Variants in MALRD1 observed in about 807,000 individuals in gnomAD.
The protein encoded by MALRD1 is MAM and LDL-receptor class A domain-containing protein 1.
A neutral mutation model predicts 242.1 loss-of-function variants in MALRD1; 247 were observed. That is an observed-to-expected ratio of 1.02 (90% CI 0.92 to 1.13). The LOEUF is 1.13. Among genes scored for constraint, MALRD1 ranks in the 50% most tolerant of loss-of-function variants. The pLI, the probability that MALRD1 is intolerant of heterozygous loss-of-function variation, is 0.00. For synonymous variants in MALRD1, 995 were observed against 866.6 expected (o/e 1.15, Z -2.60); for missense variants, 2,989 against 2,533.1 (o/e 1.18, Z -3.86).
intron 28 of MALRD1, among the ~76,000 whole-genome samples, chr10:19,442,820 G>GA (rs1159833637): frequency 2.0e-5 from 3 of 152,266 alleles, no homozygotes; most frequent in African/African-American, 7.2e-5. Context: ...GTATCAGGAT[G>GA]ATGCTGGCCT....
intron 35 of MALRD1, among the ~76,000 whole-genome samples, chr10:19,614,268 G>A: frequency 6.6e-6 from 1 of 151,894 alleles, no homozygotes. Flanking sequence ...AAGAGCAACT[G>A]GGCTCCTGTG....
chr10:19,177,445 A>G (rs1835310237), intron 14 of MALRD1, among the ~76,000 whole-genome samples: 1 of 152,076 alleles, frequency 6.6e-6, no homozygotes, highest in African/African-American at 2.4e-5. Flanking sequence ...CTTGTAATGT[A>G]GTATTTGGAG....
chr10:19,070,857 T>C (rs1311062833), intron 2 of MALRD1, among the ~76,000 whole-genome samples: 2 of 141,450 alleles, frequency 1.4e-5, no homozygotes, highest in African/African-American at 2.7e-5. Context: ...TTTTTTTTTT[T>C]TTTTTTTTTC....
chr10:19,486,953 T>C (rs563652548), intron 29 of MALRD1, among the ~76,000 whole-genome samples: 1 of 152,316 alleles, frequency 6.6e-6, no homozygotes, highest in East Asian at 1.9e-4. Context: ...TCTTACTGGA[T>C]TAAATTTTCT....
intron 35 of MALRD1, among the ~76,000 whole-genome samples, chr10:19,614,550 C>T (rs1489778987): frequency 6.6e-6 from 1 of 151,892 alleles, no homozygotes; most frequent in Non-Finnish European, 1.5e-5. Flanking sequence ...TGGGTCTTAA[C>T]TGAATAGGGG....
intron 35 of MALRD1, among the ~76,000 whole-genome samples, chr10:19,615,199 A>C (rs1047296627): frequency 1.3e-5 from 2 of 152,086 alleles, no homozygotes; most frequent in East Asian, 3.9e-4. Context: ...GTACTCCATA[A>C]ATATGAAAAA....
At chr10:19,168,170 C>T (rs1247667927) in intron 13 of MALRD1, among the ~76,000 whole-genome samples, 1 of 152,126 alleles carries the variant, frequency 6.6e-6, no homozygotes, top group Non-Finnish European at 1.5e-5. Context: ...TCTCAAAGAT[C>T]AATTTATTCT....
At chr10:19,177,006 G>C (rs933706547) in intron 14 of MALRD1, among the ~76,000 whole-genome samples, 5 of 152,018 alleles carry the variant, frequency 3.3e-5, no homozygotes, top group Admixed American at 6.6e-5. Context: ...GCCAGGCACG[G>C]TGGCTCACAC....
chr10:19,258,285 A>G (rs563266910), intron 19 of MALRD1, among the ~76,000 whole-genome samples: 1 of 152,242 alleles, frequency 6.6e-6, no homozygotes, highest in African/African-American at 2.4e-5. Context: ...TATACTCACT[A>G]CCTACTCAAC....
At chr10:19,530,405 A>ATAAATATATAG in intron 31 of MALRD1, among the ~76,000 whole-genome samples, 1 of 14,096 alleles carries the variant, frequency 7.1e-5, no homozygotes. Context: ...TAAATATTAT[A>ATAAATATATAG]TATTTATATA....
chr10:19,710,345 A>G (rs1198919474), intron 38 of MALRD1: 3 of 152,132 alleles, frequency 2.0e-5, no homozygotes, highest in African/African-American at 4.8e-5. Context: ...AAAAGTAATA[A>G]TCATATTTAT....
At chr10:19,263,466 C>T (rs1839841913) in intron 19 of MALRD1, among the ~76,000 whole-genome samples, 1 of 151,886 alleles carries the variant, frequency 6.6e-6, no homozygotes. Context: ...AGGTATTTTG[C>T]CCCTCTTAAA....
At chr10:19,110,072 C>T (rs1294906048) in intron 5 of MALRD1, among the ~76,000 whole-genome samples, 3 of 152,216 alleles carry the variant, frequency 2.0e-5, no homozygotes, top group African/African-American at 7.2e-5. Flanking sequence ...AGTCCCCATG[C>T]TCTACAGGGT....
rs1207598895 is a variant in MALRD1 at position 19,185,861 on chromosome 10, A to G, written c.1951+10533A>G. ...TGTGTGTGTTAGTCTTTGAATTAGG[A>G]CTACTTTTTTCAGTGTATTTTCTGA... On this transcript the variant is annotated intron_variant, in intron 14 of 39. Coordinates refer to ENST00000454679, the MANE Select transcript of MALRD1 (RefSeq NM_001142308.3). 2.8e-5 allele frequency among the ~76,000 whole-genome samples: 4 copies of G among 144,786 alleles called. 1 individual carries two copies. Among genetic ancestry groups the G allele is most frequent in the African/African-American group, 9.9e-5 (4 of 40,416 alleles). 95.0% of individuals were successfully genotyped at this position (144,786 alleles called of 152,430 possible). A position where few individuals can be genotyped will look rare whatever the true frequency, so the allele number is the denominator to read the frequency against.
At chr10:19,513,425 CTT>C (rs34441106) in intron 31 of MALRD1, among the ~76,000 whole-genome samples, 1,702 of 139,598 alleles carry the variant, frequency 0.012, 27 homozygotes, top group African/African-American at 0.041. Context: ...AAATAAATCT[CTT>C]TTTTTTTTTT....
At position 19,643,967 on chromosome 10, in the gene MALRD1, A is replaced by T. The variant is rs115662937; in HGVS notation, c.6137+28044A>T. 1.6e-3 allele frequency among the ~76,000 whole-genome samples: 246 copies of T among 152,254 alleles called. 1 individual carries two copies. Among genetic ancestry groups the T allele is most frequent in the African/African-American group, 5.7e-3 (235 of 41,560 alleles). Reference sequence around the variant, plus strand: ...CTGCACCACTGTAGACTGTCCTTTAATGAGAGCCAGCTTCTGGCAAGCAGC... The same window carrying T: ...CTGCACCACTGTAGACTGTCCTTTATTGAGAGCCAGCTTCTGGCAAGCAGC... On this transcript the variant is annotated intron_variant, in intron 36 of 39. Transcript: ENST00000454679.
intron 31 of MALRD1, among the ~76,000 whole-genome samples, chr10:19,501,786 C>A (rs1837984063): frequency 6.6e-6 from 1 of 151,948 alleles, no homozygotes; most frequent in African/African-American, 2.4e-5. Context: ...AATCCCAGCC[C>A]TTTGGGAGGC....
chr10:19,688,101 C>T (rs1205599408), intron 36 of MALRD1, among the ~76,000 whole-genome samples: 1 of 152,088 alleles, frequency 6.6e-6, no homozygotes, highest in Non-Finnish European at 1.5e-5. Context: ...TCCCACGTCG[C>T]TGGGATTACA....
At chr10:19,293,973 A>G (rs1207487530) in intron 21 of MALRD1, among the ~76,000 whole-genome samples, 1 of 152,192 alleles carries the variant, frequency 6.6e-6, no homozygotes, top group African/African-American at 2.4e-5. Flanking sequence ...TGCTGAAAAT[A>G]TACGAACCAT....
Sources: allele counts gnomAD v4.1 joint callset (sites outside exome capture counted in the v4.1 genomes callset), GRCh38; gene constraint gnomAD v4.1.1; transcripts MANE v1.5; gene names NCBI Gene and HGNC (gene_info 2026-07-23, HGNC 2026-07-21).